SLC22A23: variants seen among roughly 807,000 people sequenced by gnomAD.
The protein encoded by SLC22A23 is solute carrier family 22 member 23, also known as ion transporter protein.
SLC22A23 carries 26 observed loss-of-function variants against 61.0 expected under a neutral mutation model. That is an observed-to-expected ratio of 0.43 (90% CI 0.31 to 0.59). The LOEUF is 0.59. SLC22A23 is among the 20% of genes least tolerant of loss of function. The pLI is 0.11. For missense variants in SLC22A23, 796 were observed against 934.7 expected (o/e 0.85, Z 1.94); for synonymous variants, 430 against 413.9 (o/e 1.04, Z -0.47).
chr6:3,277,978 G>T (rs773853398), intron 9 of SLC22A23, among the ~76,000 whole-genome samples: 5 of 152,228 alleles, frequency 3.3e-5, no homozygotes, highest in Non-Finnish European at 7.3e-5. Context: ...AGGAGCTGAG[G>T]CTGCCAGCCC....
rs138852895 is a variant in SLC22A23, at chr6:3,327,228, A to G, written c.914-3226T>C. 1.1e-4 allele frequency among the ~76,000 whole-genome samples: 17 copies of G among 152,348 alleles called. No individual in the cohort carries two copies. The East Asian group carries it at 1.2e-3, about 10-fold the overall frequency. ...TGAAAGGCAGGGAATGATGTCCCCA[A>G]TCCAACTGCCCCTTCAGGGCCTGGC... On this transcript the variant is annotated intron_variant, in intron 3 of 9. Transcript: ENST00000406686. This position sits in a 1 kb window ranked among gnomAD's most constrained non-coding sequence, Gnocchi z 4.1.
At chr6:3,321,141 T>C (rs1762922539) in intron 4 of SLC22A23, among the ~76,000 whole-genome samples, 1 of 152,210 alleles carries the variant, frequency 6.6e-6, no homozygotes, top group African/African-American at 2.4e-5. Flanking sequence ...CCCTTCAGAC[T>C]GCCCCTCCAT....
chr6:3,298,540 A>T (rs962687691), intron 4 of SLC22A23, among the ~76,000 whole-genome samples: 1 of 152,106 alleles, frequency 6.6e-6, no homozygotes, highest in African/African-American at 2.4e-5. Context: ...GGGTGGGGGG[A>T]AACTGGGGAT....
At chr6:3,449,939 G>C (rs185087904) in intron 1 of SLC22A23, among the ~76,000 whole-genome samples, 1 of 152,220 alleles carries the variant, frequency 6.6e-6, no homozygotes, top group Non-Finnish European at 1.5e-5. Context: ...AGTCCAGTCT[G>C]ACAATGGAAT....
At position 3,414,597 on chromosome 6, in the gene SLC22A23, G is replaced by A. The variant is rs559009179; in HGVS notation, c.758+1155C>T. Among the ~76,000 whole-genome samples, 8 of 151,826 alleles carry A rather than the reference G, an allele frequency of 5.3e-5. No individual in the cohort carries two copies. The highest frequency in any genetic ancestry group is 2.1e-4 in the South Asian group (1 of 4,794). On this transcript the variant is annotated intron_variant, in intron 2 of 9. Transcript: ENST00000406686. The surrounding 1 kb of genome is among the most constrained non-coding windows in gnomAD (Gnocchi z 5.1). ...GTAATGTGACCCTCTGCTGCTGTCCGCCCAGGCACTTGCCTTGGCCAGCAT... is the reference window on the plus strand; with the variant it reads ...GTAATGTGACCCTCTGCTGCTGTCCACCCAGGCACTTGCCTTGGCCAGCAT...
intron 3 of SLC22A23, among the ~76,000 whole-genome samples, chr6:3,364,780 G>A (rs574389959): frequency 1.1e-3 from 172 of 152,324 alleles, no homozygotes; most frequent in Non-Finnish European, 2.0e-3. Context: ...CATCCGGGAC[G>A]TGCAGGTTAA....
intron 5 of SLC22A23, among the ~76,000 whole-genome samples, chr6:3,295,597 C>T (rs531626562): frequency 6.4e-4 from 97 of 152,252 alleles, no homozygotes; most frequent in Non-Finnish European, 1.2e-3. Context: ...GTGACAGACA[C>T]GAGGCTCGGA....
chr6:3,274,012 G>A (rs1049113043), intron 9 of SLC22A23, among the ~76,000 whole-genome samples: 2 of 152,188 alleles, frequency 1.3e-5, no homozygotes, highest in African/African-American at 4.8e-5. Flanking sequence ...CATCTCTGAG[G>A]ATTGTGCCTG....
rs970687555 is a variant in SLC22A23, at chr6:3,333,474, C to T, written c.914-9472G>A. 3.3e-5 allele frequency among the ~76,000 whole-genome samples: 5 copies of T among 152,194 alleles called. 1 individual carries two copies. The South Asian group carries it at 6.2e-4, about 19-fold the overall frequency. On this transcript the variant is annotated intron_variant, in intron 3 of 9. Coordinates refer to ENST00000406686, the MANE Select transcript of SLC22A23 (RefSeq NM_015482.2). The surrounding 1 kb of genome is among the most constrained non-coding windows in gnomAD (Gnocchi z 4.1). The stretch of plus-strand genomic sequence containing the variant: ...CATCACCTGCCCCTCCCCGCCCCAT[C>T]GCTCCACTTCAGCCACACTGGCCTC...
At chr6:3,388,133 A>C (rs993238836) in intron 3 of SLC22A23, among the ~76,000 whole-genome samples, 2 of 152,250 alleles carry the variant, frequency 1.3e-5, no homozygotes, top group African/African-American at 4.8e-5. Flanking sequence ...CAAGCCCGCC[A>C]CAGAAACACA....
At chr6:3,323,116 C>T (rs568472166) in intron 4 of SLC22A23, 1 of 391,482 alleles carries the variant, frequency 2.6e-6, no homozygotes, top group Admixed American at 3.0e-5. Context: ...TAGTGTTCCC[C>T]CCGTACTGCC....
chr6:3,456,290 G>C lies in SLC22A23; in HGVS notation c.270C>G (p.Gly90=). 6.4e-7 allele frequency: 1 copy of C among 1,551,104 alleles called. No individual in the cohort carries two copies. Among genetic ancestry groups the C allele is most frequent in the East Asian group, 2.4e-5 (1 of 40,978 alleles). ...GGGTCTTCTGATAGCCCCCGCCCAG[G>C]CCCCCGAGGAAGGGCAGCACCGACC... ...YDGSVLPFLG[G]LGGGYQKTLV... is the part of the protein sequence containing the mutation. The change falls in exon 1 of 10, where the codon GGC becomes GGG. Residue 90 remains glycine, a synonymous_variant. Transcript: ENST00000406686. This position sits in a 1 kb window ranked among gnomAD's most constrained non-coding sequence, Gnocchi z 7.1.
chr6:3,272,058 T>A lies in SLC22A23; in HGVS notation c.*997A>T, dbSNP rs1434667420. On this transcript the variant is annotated 3_prime_UTR_variant, in exon 10 of 10. Coordinates refer to ENST00000406686, the MANE Select transcript of SLC22A23 (RefSeq NM_015482.2). Reference sequence around the variant, plus strand: ...CTGAGGTGACGGCCATCCAAGCTGGTGATCTTCATGGTGTGTGCTCAAGGT... The same window carrying A: ...CTGAGGTGACGGCCATCCAAGCTGGAGATCTTCATGGTGTGTGCTCAAGGT... The A allele has an allele frequency of 6.6e-6, 1 of 152,464 alleles. No homozygotes were observed. 9.4% of individuals were successfully genotyped at this position (152,464 alleles called of 1,614,324 possible).
intron 4 of SLC22A23, among the ~76,000 whole-genome samples, chr6:3,310,046 G>T (rs1762260239): frequency 6.6e-6 from 1 of 152,210 alleles, no homozygotes; most frequent in South Asian, 2.1e-4. Flanking sequence ...AGGCAGAAGA[G>T]CTGGTTCTTA....
chr6:3,286,390 GCA>G lies in SLC22A23; in HGVS notation c.1546+467_1546+468del, dbSNP rs1760009286. 6.6e-6 allele frequency among the ~76,000 whole-genome samples: 1 copy of G among 152,168 alleles called. No individual in the cohort carries two copies. The highest frequency in any genetic ancestry group is 2.4e-5 in the African/African-American group (1 of 41,446). On this transcript the variant is annotated intron_variant, in intron 7 of 9. Coordinates refer to ENST00000406686, the MANE Select transcript of SLC22A23 (RefSeq NM_015482.2). The surrounding 1 kb of genome is among the most constrained non-coding windows in gnomAD (Gnocchi z 4.2). ...GCTGGGATTACAGGCGTGAGCCACCGCACCCGGCCAGATTATTTTTAACCTTT... is the reference window on the plus strand; with the variant it reads ...GCTGGGATTACAGGCGTGAGCCACCGCCCGGCCAGATTATTTTTAACCTTT...
At chr6:3,275,606 TGA>T (rs962449461) in intron 9 of SLC22A23, among the ~76,000 whole-genome samples, 1 of 152,240 alleles carries the variant, frequency 6.6e-6, no homozygotes, top group African/African-American at 2.4e-5. Flanking sequence ...AACTTTTTTT[TGA>T]GAGTCTCACT....
At chr6:3,417,626 G>C (rs949922038) in intron 1 of SLC22A23, among the ~76,000 whole-genome samples, 2 of 152,182 alleles carry the variant, frequency 1.3e-5, no homozygotes, top group Admixed American at 6.5e-5. Flanking sequence ...CCCATCCCAG[G>C]CCCACTGAAT....
chr6:3,415,714 C>T, intron 2 of SLC22A23, 38 bp downstream of exon 2: 2 of 1,385,554 alleles, frequency 1.4e-6, no homozygotes, highest in African/African-American at 1.4e-5. Flanking sequence ...CGTGCTGTGG[C>T]CTCCAAAGGT....
chr6:3,282,086 C>G, intron 9 of SLC22A23: 1 of 643,136 alleles, frequency 1.6e-6, no homozygotes, highest in South Asian at 1.8e-5. Flanking sequence ...TAGCCACCCC[C>G]TCCCCCAACA....
Sources: gnomAD v4.1 joint callset for allele counts (sites outside exome capture counted in the v4.1 genomes callset) on GRCh38, gnomAD v4.1.1 for gene constraint, Gnocchi (gnomAD v3.1) non-coding constraint, MANE v1.5 for transcripts, NCBI Gene and HGNC (gene_info 2026-07-23, HGNC 2026-07-21) for gene names.